CHRNB2: variants seen among roughly 807,000 people sequenced by gnomAD.
The protein encoded by CHRNB2 is neuronal acetylcholine receptor subunit beta-2.
In CHRNB2, 33 loss-of-function variants were observed where a neutral mutation model predicts 42.7. The observed-to-expected ratio is 0.77, with a 90% confidence interval of 0.59 to 1.03. The LOEUF is 1.03. Ranked by LOEUF, CHRNB2 falls within the 50% of genes least tolerant of loss-of-function variation. The pLI is 0.00. For synonymous variants in CHRNB2, 325 were observed against 292.9 expected, an observed-to-expected ratio of 1.11 and a Z score of -1.12; for missense variants, 603 against 700.9, an observed-to-expected ratio of 0.86 and a Z score of 1.58.
In CHRNB2 at chr1:154,575,972, T is replaced by C. The variant is rs1186311416; in HGVS notation, c.*40T>C. The C allele has an allele frequency of 3.1e-6, 5 of 1,611,658 alleles. No individual in the cohort carries two copies. Among genetic ancestry groups the C allele is most frequent in the Admixed American group, 3.3e-5 (2 of 60,022 alleles). Reference sequence around the variant, plus strand: ...TCCATGCTCTTTCACCCTGCCACCCTCTGCTGCACAGTAGTGTTGGGTGGA... The same window carrying C: ...TCCATGCTCTTTCACCCTGCCACCCCCTGCTGCACAGTAGTGTTGGGTGGA... On this transcript the variant is annotated 3_prime_UTR_variant, in exon 6 of 6. Coordinates refer to ENST00000368476, the MANE Select transcript of CHRNB2 (RefSeq NM_000748.3).
Position 154,576,020 on chromosome 1 carries a change from G to T in CHRNB2, c.*88G>T. ...GGAGGATGGACGAGTGAGCTACCAG[G>T]AAGAGGGGCGCTGCCCCCACAGATC... On this transcript the variant is annotated 3_prime_UTR_variant, in exon 6 of 6. Transcript: ENST00000368476. The T allele has an allele frequency of 1.3e-6, 2 of 1,534,406 alleles. No individual in the cohort carries two copies. Among genetic ancestry groups the T allele is most frequent in the South Asian group, 1.1e-5 (1 of 89,098 alleles).
rs1162850320 is a variant in CHRNB2 at position 154,576,363 on chromosome 1, C to CA, written c.*433dup. The stretch of plus-strand genomic sequence containing the variant: ...CACACCGCACCGGGCTGGCCTGACA[C>CA]AATGGTAGCTCTGAAGGGAGGGGAA... On this transcript the variant is annotated 3_prime_UTR_variant, in exon 6 of 6. Coordinates refer to ENST00000368476, the MANE Select transcript of CHRNB2 (RefSeq NM_000748.3). The CA allele has an allele frequency of 3.2e-6, 1 of 307,806 alleles. No individual in the cohort carries two copies. Among genetic ancestry groups the CA allele is most frequent in the Non-Finnish European group, 6.4e-6 (1 of 156,426 alleles). 19.1% of individuals were successfully genotyped at this position (307,806 alleles called of 1,614,324 possible). A position where few individuals can be genotyped will look rare whatever the true frequency, so the allele number is the denominator to read the frequency against.
Position 154,578,892 on chromosome 1 carries a change from G to A in CHRNB2, c.*2960G>A, listed in dbSNP as rs4845653. The A allele has an allele frequency of 0.14, 21,756 of 152,284 alleles. 1,827 individuals carry two copies. The highest frequency in any genetic ancestry group is 0.28 in the South Asian group (1,361 of 4,832). The allele number at this position is 152,284 out of a possible 1,614,324, so 9.4% of individuals were successfully genotyped here. On this transcript the variant is annotated 3_prime_UTR_variant, in exon 6 of 6. Transcript: ENST00000368476. The stretch of plus-strand genomic sequence containing the variant: ...GGAGCAAGGGTTTGGGAGGGGAAGT[G>A]AGGAAACAGGTTGAGACTATCTCCA...
intron 3 of CHRNB2, 101 bp downstream of exon 3, chr1:154,569,937 A>G (rs1281490210): frequency 5.0e-6 from 7 of 1,400,522 alleles, no homozygotes; most frequent in African/African-American, 2.8e-5. Context: ...ACAGGCAGAA[A>G]GGTATAGAGT....
chr1:154,575,455 G>A (rs1456775710), intron 5 of CHRNB2, among the ~76,000 whole-genome samples: 4 of 152,308 alleles, frequency 2.6e-5, no homozygotes, highest in African/African-American at 7.2e-5. Flanking sequence ...GAAACCCAAA[G>A]ACACAGAGAT....
At position 154,571,462 on chromosome 1, in the gene CHRNB2, C is replaced by T. The variant is rs772174020; in HGVS notation, c.639C>T (p.Asn213=). 2.9e-5 allele frequency: 46 copies of T among 1,614,016 alleles called. No homozygotes were observed. Among genetic ancestry groups the T allele is most frequent in the Non-Finnish European group, 3.9e-5 (46 of 1,180,046 alleles). ...TCGTGGCGCTGCCGGGCCGGCGCAA[C>T]GAGAACCCCGACGACTCTACGTACG... ...WDIVALPGRR[N]ENPDDSTYVD... The change falls in exon 5 of 6, where the codon AAC becomes AAT. Residue 213 remains asparagine, a synonymous_variant. Coordinates refer to ENST00000368476, the MANE Select transcript of CHRNB2 (RefSeq NM_000748.3). This position sits in a 1 kb window ranked among gnomAD's most constrained non-coding sequence, Gnocchi z 6.8.
rs1049048240 is a variant in CHRNB2 at position 154,572,143 on chromosome 1, C to A, written c.1320C>A (p.Ser440Arg). 2.6e-6 allele frequency: 4 copies of A among 1,537,572 alleles called. No homozygotes were observed. In the Admixed American group the frequency reaches 7.9e-5, roughly 30 times the overall value. Residue 440 changes from serine to arginine, a missense_variant, in exon 5 of 6, where the codon AGC (serine) becomes AGA (arginine). Ser to Arg is a moderately radical substitution (Grantham distance 110, BLOSUM62 -1). This residue lies in a region of CHRNB2 where 270 missense variants were observed against 248.3 expected (regional missense o/e 1.09). Transcript: ENST00000368476. ...GCTTCATCGCAGACCACATGCGGAG[C>A]GAGGACGATGACCAGAGCGTGAGTG... is the stretch of plus-strand genomic sequence containing the variant. ...GVRFIADHMR[S>R]EDDDQSVSED...
chr1:154,568,066 G>T lies in CHRNB2; in HGVS notation c.22G>T (p.Val8Leu), dbSNP rs772815972. The T allele has an allele frequency of 1.9e-6, 3 of 1,602,488 alleles. No individual in the cohort carries two copies. Among genetic ancestry groups the T allele is most frequent in the Admixed American group, 3.4e-5 (2 of 59,062 alleles). Residue 8 changes from valine (V) to leucine (L), a missense_variant, in exon 1 of 6, where the codon GTG (valine) becomes TTG (leucine). This residue lies in a region of CHRNB2 where 333 missense variants were observed against 452.6 expected (regional missense o/e 0.74). Coordinates refer to ENST00000368476, the MANE Select transcript of CHRNB2 (RefSeq NM_000748.3). ...CGGCATGGCCCGGCGCTGCGGCCCCGTGGCGCTGCTCCTTGGCTTCGGCCT... is the reference window on the plus strand; with the variant it reads ...CGGCATGGCCCGGCGCTGCGGCCCCTTGGCGCTGCTCCTTGGCTTCGGCCT... MARRCGP[V>L]ALLLGFGLLR...
rs200666765 is a variant in CHRNB2 at position 154,571,826 on chromosome 1, G to A, written c.1003G>A (p.Val335Met). ...CACCACGCACACCATGGCGCCCTGG[G>A]TGAAGGTCGTCTTCCTGGAGAAGCT... ...SPTTHTMAPWVKVVFLEKLPA... is the reference protein window; with the variant it reads ...SPTTHTMAPWMKVVFLEKLPA... Residue 335 changes from valine (V) to methionine (M), a missense_variant, in exon 5 of 6, where the codon GTG becomes ATG. Val to Met is a conservative substitution (Grantham distance 21). Transcript: ENST00000368476. This position sits in a 1 kb window ranked among gnomAD's most constrained non-coding sequence, Gnocchi z 6.8. 12 of 1,613,376 alleles carry A rather than the reference G, an allele frequency of 7.4e-6. No homozygotes were observed. Among genetic ancestry groups the A allele is most frequent in the Admixed American group, 6.7e-5 (4 of 59,986 alleles).
Position 154,569,789 on chromosome 1 carries a change from C to A in CHRNB2, c.211-3C>A. 3 of 1,614,160 alleles carry A rather than the reference C, an allele frequency of 1.9e-6. No individual in the cohort carries two copies. The highest frequency in any genetic ancestry group is 2.5e-6 in the Non-Finnish European group (3 of 1,180,020). On this transcript the variant is annotated splice_region_variant and splice_polypyrimidine_tract_variant and intron_variant, in intron 2 of 5. Transcript: ENST00000368476. ...TCTCGGCAGCCTCTCTTCCTCCCTG[C>A]AGCATGAGCGGGAGCAGATCATGAC...
chr1:154,571,379 G>T lies in CHRNB2; in HGVS notation c.556G>T (p.Val186Leu). Reference protein sequence around the residue: ...WTYDRTEIDLVLKSEVASLDD... With the variant: ...WTYDRTEIDLLLKSEVASLDD... ...CTACGACCGCACAGAGATCGACTTG[G>T]TGCTGAAGAGTGAGGTGGCCAGCCT... The change falls in exon 5 of 6, where the codon GTG becomes TTG. Residue 186 changes from valine (V) to leucine (L), a missense_variant. Around this residue, in one of 2 missense-constraint regions of CHRNB2, gnomAD observed 333 missense variants for 452.6 expected, o/e 0.74. Transcript: ENST00000368476. The surrounding 1 kb of genome is among the most constrained non-coding windows in gnomAD (Gnocchi z 6.8). The T allele has an allele frequency of 1.2e-6, 2 of 1,614,202 alleles. No homozygotes were observed. The highest frequency in any genetic ancestry group is 8.5e-7 in the Non-Finnish European group (1 of 1,180,026).
chr1:154,572,292 C>T (rs1194512294), intron 5 of CHRNB2, 131 bp downstream of exon 5: 3 of 1,488,746 alleles, frequency 2.0e-6, no homozygotes, highest in Non-Finnish European at 2.7e-6. Context: ...GTGAGTCAGG[C>T]CTGTGTTGCG....
At position 154,574,056 on chromosome 1, in the gene CHRNB2, ATCTTG is replaced by A. The variant is rs536956494; in HGVS notation, c.1339-1701_1339-1697del. 4.5e-4 allele frequency among the ~76,000 whole-genome samples: 69 copies of A among 152,278 alleles called. No homozygotes were observed. The East Asian group carries it at 0.01, about 23-fold the overall frequency. On this transcript the variant is annotated intron_variant, in intron 5 of 5. Transcript: ENST00000368476. ...TGAGCCACTGCGCCCAGCCTGGCTTATCTTGTCTTAAGCAAGCCAAGCTCTTTCGT... is the reference window on the plus strand; with the variant it reads ...TGAGCCACTGCGCCCAGCCTGGCTTATCTTAAGCAAGCCAAGCTCTTTCGT...
rs199637367 is a variant in CHRNB2, at chr1:154,567,952, G to A, written c.-93G>A. The A allele has an allele frequency of 5.7e-6, 7 of 1,235,372 alleles. No individual in the cohort carries two copies. Among genetic ancestry groups the A allele is most frequent in the Non-Finnish European group, 7.4e-6 (7 of 947,310 alleles). 76.5% of individuals were successfully genotyped at this position (1,235,372 alleles called of 1,614,324 possible). On this transcript the variant is annotated 5_prime_UTR_variant, in exon 1 of 6. Coordinates refer to ENST00000368476, the MANE Select transcript of CHRNB2 (RefSeq NM_000748.3). The stretch of plus-strand genomic sequence containing the variant: ...CTGGACCCAGCTCCAGGCGGGCGCG[G>A]CTTCAGCACCACGGACAGCGCCCCA...
chr1:154,573,040 C>T (rs1173871271), intron 5 of CHRNB2, among the ~76,000 whole-genome samples: 1 of 152,184 alleles, frequency 6.6e-6, no homozygotes, highest in Non-Finnish European at 1.5e-5. Context: ...CAGGTTTCCT[C>T]TAGGACAGCT....
rs74119104 is a variant in CHRNB2 at position 154,570,217 on chromosome 1, C to T, written c.256-41C>T. 4.4e-3 allele frequency: 6,046 copies of T among 1,378,336 alleles called. 231 individuals carry two copies. The African/African-American group carries it at 0.078, about 18-fold the overall frequency. 85.4% of individuals were successfully genotyped at this position (1,378,336 alleles called of 1,614,324 possible). A position where few individuals can be genotyped will look rare whatever the true frequency, so the allele number is the denominator to read the frequency against. ...CGTTTCCTTAACCTTGAGCCCCACCCAGGGCACAAGTTGGTACTGCCTCCC... is the reference window on the plus strand; with the variant it reads ...CGTTTCCTTAACCTTGAGCCCCACCTAGGGCACAAGTTGGTACTGCCTCCC... On this transcript the variant is annotated intron_variant, in intron 3 of 5. Transcript: ENST00000368476.
At chr1:154,570,441 G>T in intron 4 of CHRNB2, 74 bp downstream of exon 4, 1 of 886,874 alleles carries the variant, frequency 1.1e-6, no homozygotes, top group South Asian at 1.4e-5. Flanking sequence ...GAAAATAAGA[G>T]AAATTACTTA....
Position 154,575,921 on chromosome 1 carries a change from A to G in CHRNB2, c.1498A>G (p.Ser500Gly). The part of the protein sequence containing the change: ...TFLHSDHSAP[S>G]SK ...CCTCCACTCAGACCACTCAGCCCCC[A>G]GCTCCAAGTGAGGCCCTTCCTCATC... The change falls in exon 6 of 6, where the codon AGC becomes GGC. Residue 500 changes from serine (S) to glycine (G), a missense_variant. Ser to Gly is a moderately conservative substitution (Grantham distance 56). Transcript: ENST00000368476. 1 of 1,614,148 alleles carries G rather than the reference A, an allele frequency of 6.2e-7. No homozygotes were observed. Among genetic ancestry groups the G allele is most frequent in the East Asian group, 2.2e-5 (1 of 44,878 alleles).
intron 3 of CHRNB2, among the ~76,000 whole-genome samples, 187 bp from the exon 4 acceptor site, chr1:154,570,071 C>T (rs1696134279): frequency 6.6e-6 from 1 of 152,168 alleles, no homozygotes; most frequent in Non-Finnish European, 1.5e-5. Context: ...GTACCTTGGC[C>T]TAGCTGTGCA....
Sources: allele counts gnomAD v4.1 joint callset (sites outside exome capture counted in the v4.1 genomes callset), GRCh38; gene constraint gnomAD v4.1.1; regional missense constraint gnomAD v4.1.1; non-coding constraint Gnocchi (gnomAD v3.1); transcripts MANE v1.5; gene names NCBI Gene and HGNC (gene_info 2026-07-23, HGNC 2026-07-21).